Variants in C6orf132 observed in about 807,000 individuals in gnomAD.
C6orf132 encodes chromosome 6 open reading frame 132, also known as uncharacterized protein C6orf132.
C6orf132 carries 43 observed loss-of-function variants against 65.3 expected under a neutral mutation model. The ratio of observed to expected loss-of-function variants is 0.66; its 90% CI spans 0.52 to 0.85. C6orf132 has a LOEUF of 0.85. C6orf132 is among the 40% of genes least tolerant of loss of function. The pLI, the probability that C6orf132 is intolerant of heterozygous loss-of-function variation, is 0.00. For missense variants in C6orf132, 1,488 were observed against 1,548.8 expected (o/e 0.96, Z 0.66); for synonymous variants, 631 against 654.1 (o/e 0.96, Z 0.54).
chr6:42,136,401 T>C (rs1766942020), intron 1 of C6orf132, among the ~76,000 whole-genome samples: 1 of 152,102 alleles, frequency 6.6e-6, no homozygotes, highest in Admixed American at 6.6e-5. Flanking sequence ...CTAAATGACT[T>C]CAGGAGCACC....
At chr6:42,123,711 T>C (rs1234675670) in intron 2 of C6orf132, among the ~76,000 whole-genome samples, 4 of 152,120 alleles carry the variant, frequency 2.6e-5, no homozygotes, top group African/African-American at 4.8e-5. Context: ...GCCTCCGATG[T>C]TGTACCCGGG....
Position 42,106,125 on chromosome 6 carries a change from T to C in C6orf132, c.1787A>G (p.Glu596Gly). ...IGSLPPKPRL[E>G]GGRICENGAD... ...CCCGTTTTCACAAATTCTTCCCCCTTCTAGCCGAGGCTTAGGGGGCAGAGA... is the reference window on the plus strand; with the variant it reads ...CCCGTTTTCACAAATTCTTCCCCCTCCTAGCCGAGGCTTAGGGGGCAGAGA... The change falls in exon 4 of 5, where the codon GAA (glutamate) becomes GGA (glycine). Residue 596 changes from glutamate to glycine, a missense_variant. Glu to Gly is a moderately conservative substitution (Grantham distance 98). Coordinates refer to ENST00000341865, the MANE Select transcript of C6orf132 (RefSeq NM_001164446.3). 1 of 1,537,254 alleles carries C rather than the reference T, an allele frequency of 6.5e-7. No homozygotes were observed. The highest frequency in any genetic ancestry group is 1.2e-5 in the South Asian group (1 of 84,064).
In C6orf132 at chr6:42,106,496, G is replaced by T. The variant is rs1013017066; in HGVS notation, c.1416C>A (p.Asn472Lys). Residue 472 changes from asparagine to lysine, a missense_variant, in exon 4 of 5, where the codon AAC becomes AAA. By Grantham distance (94) the Asn-to-Lys change is moderately conservative. Coordinates refer to ENST00000341865, the MANE Select transcript of C6orf132 (RefSeq NM_001164446.3). ...RDPSQMEKLR[N>K]ELAAYLCGSR... ...AGCCACAGAGATAGGCTGCCAGCTC[G>T]TTCCGCAGCTTTTCCATCTGGCTGG... 30 of 1,536,274 alleles carry T rather than the reference G, an allele frequency of 2.0e-5. No individual in the cohort carries two copies. The highest frequency in any genetic ancestry group is 2.4e-5 in the Non-Finnish European group (28 of 1,146,840).
intron 1 of C6orf132, among the ~76,000 whole-genome samples, chr6:42,133,020 T>C (rs1309105272): frequency 2.0e-5 from 3 of 152,084 alleles, no homozygotes; most frequent in African/African-American, 7.2e-5. Context: ...CTCAAAGCAT[T>C]CAAGGTCAGA....
intron 2 of C6orf132, among the ~76,000 whole-genome samples, chr6:42,127,999 A>G (rs1430768390): frequency 6.7e-6 from 1 of 148,508 alleles, no homozygotes; most frequent in African/African-American, 2.5e-5. Context: ...ATCTTGGTTC[A>G]CTGCAAGCTC....
At chr6:42,114,300 A>G (rs1299916145) in intron 2 of C6orf132, among the ~76,000 whole-genome samples, 1 of 152,176 alleles carries the variant, frequency 6.6e-6, no homozygotes, top group African/African-American at 2.4e-5. Flanking sequence ...GTGACACACC[A>G]TGGTCTGCCC....
intron 1 of C6orf132, among the ~76,000 whole-genome samples, chr6:42,137,168 A>C (rs1766957001): frequency 6.6e-6 from 1 of 152,210 alleles, no homozygotes; most frequent in Admixed American, 6.5e-5. Flanking sequence ...AAGACATTCA[A>C]AGCTTTTAGT....
chr6:42,137,133 TTCTGAG>T (rs1346342328), intron 1 of C6orf132, among the ~76,000 whole-genome samples: 1 of 152,244 alleles, frequency 6.6e-6, no homozygotes, highest in Non-Finnish European at 1.5e-5. Flanking sequence ...TGAGCCTTGC[TTCTGAG>T]TCTGTTTCCT....
chr6:42,141,248 G>T (rs755088825), intron 1 of C6orf132, among the ~76,000 whole-genome samples: 7 of 152,140 alleles, frequency 4.6e-5, no homozygotes, highest in Non-Finnish European at 8.8e-5. Flanking sequence ...AGGCACCAAG[G>T]CTATGACATC....
In C6orf132 at chr6:42,107,110, G is replaced by A; in HGVS notation, c.802C>T (p.Gln268Ter). The change falls in exon 4 of 5, where the codon CAG (glutamine) becomes TAG (stop). Residue 268 changes from glutamine to a stop codon, truncating the protein, a stop_gained. Transcript: ENST00000341865. LOFTEE classifies it high-confidence loss of function. The part of the protein sequence containing the change: ...WKSDVALNGR[Q>*]AEATRASPPR... The stretch of plus-strand genomic sequence containing the variant: ...GGGCTGGCTCTGGTGGCCTCTGCCT[G>A]CCTGCCATTCAGTGCTACATCTGAT... 2.7e-6 allele frequency: 4 copies of A among 1,456,882 alleles called. No individual in the cohort carries two copies. Among genetic ancestry groups the A allele is most frequent in the Non-Finnish European group, 3.6e-6 (4 of 1,108,422 alleles). 90.2% of individuals were successfully genotyped at this position (1,456,882 alleles called of 1,614,324 possible).
chr6:42,108,233 A>G (rs1766444163), intron 3 of C6orf132, among the ~76,000 whole-genome samples: 3 of 152,164 alleles, frequency 2.0e-5, no homozygotes, highest in Admixed American at 2.0e-4. Context: ...CCTTGAACAC[A>G]CTAATTAACC....
rs1767058104 is a variant in C6orf132 at position 42,142,566 on chromosome 6, C to T, written c.-122G>A. ...ACCAGGCCATGTCCCCCGCCGTCCT[C>T]CCCGCCCGCGCACCGGGCAACAGGT... On this transcript the variant is annotated 5_prime_UTR_variant, in exon 1 of 5. Coordinates refer to ENST00000341865, the MANE Select transcript of C6orf132 (RefSeq NM_001164446.3). 1 of 968,862 alleles carries T rather than the reference C, an allele frequency of 1.0e-6. No homozygotes were observed. Among genetic ancestry groups the T allele is most frequent in the African/African-American group, 1.7e-5 (1 of 58,272 alleles). The allele number at this position is 968,862 out of a possible 1,614,324, so 60.0% of individuals were successfully genotyped here.
intron 1 of C6orf132, among the ~76,000 whole-genome samples, chr6:42,137,253 G>A (rs923752572): frequency 2.0e-5 from 3 of 152,186 alleles, no homozygotes; most frequent in Non-Finnish European, 4.4e-5. Flanking sequence ...CTTGTAGCTG[G>A]TCTGTAGGGG....
chr6:42,135,691 T>C (rs1017484568), intron 1 of C6orf132, among the ~76,000 whole-genome samples: 3 of 152,240 alleles, frequency 2.0e-5, no homozygotes, highest in Non-Finnish European at 4.4e-5. Context: ...AGAAAATTAA[T>C]TTGATTAATT....
intron 1 of C6orf132, among the ~76,000 whole-genome samples, chr6:42,140,770 G>C (rs1306988952): frequency 6.6e-6 from 1 of 152,218 alleles, no homozygotes; most frequent in Non-Finnish European, 1.5e-5. Flanking sequence ...CCTGACTCTA[G>C]ATGAGATTTC....
chr6:42,113,986 G>A (rs948605122), intron 2 of C6orf132, among the ~76,000 whole-genome samples: 1 of 152,096 alleles, frequency 6.6e-6, no homozygotes, highest in East Asian at 1.9e-4. Context: ...AAAAAATCGT[G>A]AACAATCAAA....
chr6:42,120,018 C>T (rs1308893631), intron 2 of C6orf132, among the ~76,000 whole-genome samples: 16 of 151,452 alleles, frequency 1.1e-4, no homozygotes, highest in Admixed American at 4.6e-4. Context: ...CGCTTGAACC[C>T]GGGAGGCAGA....
At chr6:42,141,189 C>A (rs1198637909) in intron 1 of C6orf132, among the ~76,000 whole-genome samples, 2 of 152,200 alleles carry the variant, frequency 1.3e-5, no homozygotes, top group Admixed American at 6.5e-5. Flanking sequence ...ATCCATGGTG[C>A]CTTGTGTCCT....
intron 2 of C6orf132, among the ~76,000 whole-genome samples, chr6:42,128,390 A>G (rs1198270724): frequency 6.6e-6 from 1 of 152,064 alleles, no homozygotes; most frequent in Non-Finnish European, 1.5e-5. Context: ...GTGGAAAATG[A>G]ACCCTGCTTG....
Sources: gnomAD v4.1 joint callset for allele counts (sites outside exome capture counted in the v4.1 genomes callset) on GRCh38, gnomAD v4.1.1 for gene constraint, MANE v1.5 for transcripts, NCBI Gene and HGNC (gene_info 2026-07-23, HGNC 2026-07-21) for gene names.